Variants in TMEM91 observed in about 807,000 individuals in gnomAD.
The protein encoded by TMEM91 is transmembrane protein 91.
Under a neutral mutation model 13.3 loss-of-function variants are expected in TMEM91, and 6 were observed. The observed-to-expected ratio is 0.45, with a 90% CI of 0.25 to 0.89. The LOEUF (loss-of-function observed/expected upper bound fraction) is 0.89, where lower values mean the gene tolerates loss of function less well. Ranked by LOEUF, TMEM91 falls within the 40% of genes least tolerant of loss-of-function variation. The pLI, the probability that TMEM91 is intolerant of heterozygous loss-of-function variation, is 0.19. For synonymous variants in TMEM91, 87 were observed against 101.7 expected, an observed-to-expected ratio of 0.86 and a Z score of 0.87; for missense variants, 193 against 228.7, an observed-to-expected ratio of 0.84 and a Z score of 1.01.
upstream of TMEM91, among the ~76,000 whole-genome samples, chr19:41,371,779 C>T (rs1035233244): frequency 2.6e-5 from 4 of 152,078 alleles, no homozygotes; most frequent in African/African-American, 9.7e-5. Flanking sequence ...AAGTGGAATC[C>T]TACAGTATTT....
upstream of TMEM91, among the ~76,000 whole-genome samples, chr19:41,372,712 G>A (rs1270998286): frequency 6.6e-6 from 1 of 152,054 alleles, no homozygotes; most frequent in African/African-American, 2.4e-5. Flanking sequence ...GGCAACTAAG[G>A]TCAATTTGTC....
intron 1 of TMEM91, among the ~76,000 whole-genome samples, chr19:41,370,040 C>A (rs572597920): frequency 3.9e-5 from 6 of 152,124 alleles, no homozygotes; most frequent in African/African-American, 1.2e-4. Flanking sequence ...CTGGTAATCA[C>A]CATCCTATTT....
At chr19:41,364,830 G>C (rs1324635739) in intron 1 of TMEM91, among the ~76,000 whole-genome samples, 1 of 151,688 alleles carries the variant, frequency 6.6e-6, no homozygotes, top group Non-Finnish European at 1.5e-5. Flanking sequence ...GTTGTCCCTG[G>C]ATGCCATCCT....
intron 1 of TMEM91, among the ~76,000 whole-genome samples, chr19:41,369,403 A>C (rs1004303194): frequency 2.7e-5 from 4 of 149,704 alleles, no homozygotes; most frequent in African/African-American, 9.8e-5. Context: ...GCTACTTTGG[A>C]GGCTGAAGCC....
upstream of TMEM91, among the ~76,000 whole-genome samples, chr19:41,375,385 TCTC>T (rs2038697310): frequency 7.3e-6 from 1 of 136,166 alleles, no homozygotes; most frequent in Non-Finnish European, 1.5e-5. Flanking sequence ...TCCACGCCAT[TCTC>T]CTGCCTCAGC....
upstream of TMEM91, chr19:41,374,318 G>A (rs1258039940): frequency 6.6e-5 from 10 of 152,216 alleles, no homozygotes; most frequent in Admixed American, 6.5e-4. Flanking sequence ...CCTATACAAG[G>A]CTCCATGAAG....
intron 2 of TMEM91, among the ~76,000 whole-genome samples, chr19:41,380,686 G>A (rs1395235644): frequency 3.3e-5 from 5 of 152,034 alleles, no homozygotes; most frequent in African/African-American, 7.2e-5. Flanking sequence ...TGAGACGGGC[G>A]GATCACGAGG....
chr19:41,365,796 C>T (rs1717988990), intron 1 of TMEM91, among the ~76,000 whole-genome samples: 1 of 149,532 alleles, frequency 6.7e-6, no homozygotes, highest in Non-Finnish European at 1.5e-5. Flanking sequence ...CCACAACCTC[C>T]GCCTCCCAGG....
chr19:41,369,888 G>A (rs1173585960), intron 1 of TMEM91, among the ~76,000 whole-genome samples: 2 of 152,058 alleles, frequency 1.3e-5, no homozygotes. Flanking sequence ...GTTTAAAACT[G>A]TATTGTTCAA....
intron 1 of TMEM91, among the ~76,000 whole-genome samples, chr19:41,370,652 G>A (rs2038601125): frequency 6.6e-6 from 1 of 151,722 alleles, no homozygotes. Flanking sequence ...TGATCCACCC[G>A]CCTCGGCCTC....
At chr19:41,373,365 G>C (rs1024732605), upstream of TMEM91, among the ~76,000 whole-genome samples, 5 of 151,860 alleles carry the variant, frequency 3.3e-5, no homozygotes, top group African/African-American at 1.2e-4. Flanking sequence ...GGATGGCCTA[G>C]AGGGATGAGG....
In TMEM91 at chr19:41,365,977, C is replaced by T. The variant is rs1454332166; in HGVS notation, c.-30+1882C>T. 7.9e-5 allele frequency among the ~76,000 whole-genome samples: 12 copies of T among 151,628 alleles called. 1 individual carries two copies. Among genetic ancestry groups the T allele is most frequent in the Admixed American group, 7.9e-4 (12 of 15,200 alleles). ...CCTTCTGCCTCAGCCTCCCAAAGTG[C>T]TGGGATTACAGGCATGAGCCACCTC... On this transcript the variant is annotated intron_variant, in intron 1 of 3. Transcript: ENST00000413014.
At chr19:41,380,195 A>C (rs535038891) in intron 2 of TMEM91, among the ~76,000 whole-genome samples, 67 of 151,860 alleles carry the variant, frequency 4.4e-4, no homozygotes, top group African/African-American at 1.2e-3. Flanking sequence ...TGCCCAGCCG[A>C]GTCTTAGGGC....
chr19:41,380,983 G>T (rs771525003), intron 2 of TMEM91, among the ~76,000 whole-genome samples: 2 of 148,266 alleles, frequency 1.3e-5, no homozygotes, highest in African/African-American at 5.0e-5. Context: ...CTTTTGGGAG[G>T]CTGAGGCAGG....
intron 1 of TMEM91, among the ~76,000 whole-genome samples, 160 bp from the exon 2 acceptor site, chr19:41,378,121 A>C (rs77821411): frequency 0.026 from 4,008 of 151,764 alleles, 171 homozygotes; most frequent in African/African-American, 0.091. Context: ...ACCTGAGGCC[A>C]ATCTTTTTTT....
chr19:41,375,587 G>A (rs1599925831), upstream of TMEM91, among the ~76,000 whole-genome samples: 1 of 146,834 alleles, frequency 6.8e-6, no homozygotes, highest in African/African-American at 2.5e-5. Context: ...CCGTGAGCCC[G>A]TTTCTTTATC....
chr19:41,370,110 T>C (rs2038591051), intron 1 of TMEM91, among the ~76,000 whole-genome samples: 1 of 152,134 alleles, frequency 6.6e-6, no homozygotes, highest in Admixed American at 6.6e-5. Context: ...GGAGTTTCAC[T>C]CTTGCTGCCC....
At chr19:41,375,482 G>T (rs1202561843), upstream of TMEM91, among the ~76,000 whole-genome samples, 6 of 150,994 alleles carry the variant, frequency 4.0e-5, no homozygotes, top group African/African-American at 1.5e-4. Flanking sequence ...GTTTCACCGT[G>T]TCAGCCAGGA....
chr19:41,382,683 G>A, intron 2 of TMEM91, 89 bp from the exon 3 acceptor site: 1 of 1,495,982 alleles, frequency 6.7e-7, no homozygotes, highest in Non-Finnish European at 9.0e-7. Flanking sequence ...CCTAGGGGCA[G>A]GTATTGGCCT....
Sources: allele counts gnomAD v4.1 joint callset (sites outside exome capture counted in the v4.1 genomes callset), GRCh38; gene constraint gnomAD v4.1.1; transcripts MANE v1.5; gene names NCBI Gene and HGNC (gene_info 2026-07-23, HGNC 2026-07-21).